Variants in DOCK2 observed in about 807,000 individuals in gnomAD.
The protein encoded by DOCK2 is dedicator of cytokinesis protein 2.
Under a neutral mutation model 248.9 loss-of-function variants are expected in DOCK2, and 87 were observed. The ratio of observed to expected loss-of-function variants is 0.35; its 90% CI spans 0.29 to 0.42. DOCK2 has a LOEUF of 0.42. DOCK2 is among the 10% of genes least tolerant of loss of function. DOCK2 has a pLI of 1.00. For missense variants in DOCK2, 1,747 were observed against 2,300.2 expected, an observed-to-expected ratio of 0.76 and a Z score of 4.92; for synonymous variants, 805 against 821.6, an observed-to-expected ratio of 0.98 and a Z score of 0.35.
chr5:169,930,747 G>T (rs371214865), intron 27 of DOCK2, among the ~76,000 whole-genome samples: 1 of 152,156 alleles, frequency 6.6e-6, no homozygotes, highest in Non-Finnish European at 1.5e-5. Context: ...TTTGAGAGTC[G>T]GGTGGAAGGC....
intron 22 of DOCK2, among the ~76,000 whole-genome samples, chr5:169,739,957 A>G (rs1430063636): frequency 6.6e-6 from 1 of 152,240 alleles, no homozygotes; most frequent in Non-Finnish European, 1.5e-5. Flanking sequence ...CCTTAGGAAT[A>G]TTGTTTTGGA....
chr5:169,674,244 G>A, intron 5 of DOCK2, 53 bp from the exon 6 acceptor site: 2 of 1,593,042 alleles, frequency 1.3e-6, no homozygotes, highest in Non-Finnish European at 8.6e-7. Flanking sequence ...CTGCCAAATA[G>A]ATGGTCATGC....
At chr5:169,660,152 TCATAC>T (rs1182556574) in intron 2 of DOCK2, among the ~76,000 whole-genome samples, 1 of 152,170 alleles carries the variant, frequency 6.6e-6, no homozygotes, top group African/African-American at 2.4e-5. Flanking sequence ...TGGAATGCAC[TCATAC>T]TGTGTTTGGA....
chr5:169,646,707 G>A lies in DOCK2; in HGVS notation c.44-7696G>A, dbSNP rs142018926. Among the ~76,000 whole-genome samples, 272 of 152,310 alleles carry A rather than the reference G, an allele frequency of 1.8e-3. 5 individuals carry two copies. The highest frequency in any genetic ancestry group is 1.7e-3 in the Non-Finnish European group (116 of 68,020). Reference sequence around the variant, plus strand: ...CTTCTTCCCATTAAAATATGCACATGTGCAGTTCTGCATTGTAATGTCGCC... The same window carrying A: ...CTTCTTCCCATTAAAATATGCACATATGCAGTTCTGCATTGTAATGTCGCC... On this transcript the variant is annotated intron_variant, in intron 1 of 51. Coordinates refer to ENST00000520908, the MANE Select transcript of DOCK2 (RefSeq NM_004946.3).
At chr5:169,850,573 A>G (rs1770570055) in intron 27 of DOCK2, among the ~76,000 whole-genome samples, 1 of 152,162 alleles carries the variant, frequency 6.6e-6, no homozygotes, top group African/African-American at 2.4e-5. Flanking sequence ...AAGAGACTTG[A>G]AATGACAGTT....
intron 46 of DOCK2, among the ~76,000 whole-genome samples, chr5:170,070,559 A>T (rs1757647069): frequency 6.6e-6 from 1 of 152,170 alleles, no homozygotes; most frequent in Non-Finnish European, 1.5e-5. Context: ...TGGGGTCGTC[A>T]TGCCCTTTAT....
intron 27 of DOCK2, among the ~76,000 whole-genome samples, chr5:169,841,174 G>A (rs569971104): frequency 6.6e-6 from 1 of 152,296 alleles, no homozygotes; most frequent in South Asian, 2.1e-4. Context: ...CCAGATGCAT[G>A]TCCACTAGGA....
chr5:169,889,366 T>G (rs973593021), intron 27 of DOCK2, among the ~76,000 whole-genome samples: 1 of 152,196 alleles, frequency 6.6e-6, no homozygotes, highest in East Asian at 1.9e-4. Flanking sequence ...GATTCTGTTG[T>G]GAGGTGGGCA....
chr5:170,034,881 TC>T (rs1756269380), intron 35 of DOCK2, among the ~76,000 whole-genome samples: 2 of 152,286 alleles, frequency 1.3e-5, no homozygotes, highest in African/African-American at 4.8e-5. Context: ...TGGGTTTCCA[TC>T]CTATATCTGA....
At chr5:169,772,397 A>G (rs1765138157) in intron 25 of DOCK2, among the ~76,000 whole-genome samples, 1 of 152,138 alleles carries the variant, frequency 6.6e-6, no homozygotes, top group East Asian at 1.9e-4. Flanking sequence ...TTCTTTTTGT[A>G]TTTGATAATA....
intron 25 of DOCK2, among the ~76,000 whole-genome samples, chr5:169,787,106 G>A (rs866117454): frequency 6.6e-6 from 1 of 152,148 alleles, no homozygotes; most frequent in African/African-American, 2.4e-5. Context: ...ATACAGAGAG[G>A]TTAAGTGATT....
chr5:169,806,311 T>TTAAG (rs1484556626), intron 26 of DOCK2, among the ~76,000 whole-genome samples: 56 of 26,332 alleles, frequency 2.1e-3, no homozygotes, highest in African/African-American at 5.3e-3. Context: ...GGTTAATTAG[T>TTAAG]TAATTAATTA....
chr5:169,681,352 G>A (rs1225522524), intron 6 of DOCK2, among the ~76,000 whole-genome samples: 1 of 151,336 alleles, frequency 6.6e-6, no homozygotes, highest in East Asian at 1.9e-4. Context: ...TTGAACTCCT[G>A]ACCTCAGGTG....
intron 22 of DOCK2, among the ~76,000 whole-genome samples, chr5:169,746,078 T>C (rs13355359): frequency 0.032 from 4,815 of 152,176 alleles, 276 homozygotes; most frequent in African/African-American, 0.11. Flanking sequence ...ACTTCACTTA[T>C]GCTTCTGACT....
At chr5:169,862,788 G>A (rs180967482) in intron 27 of DOCK2, among the ~76,000 whole-genome samples, 7 of 152,160 alleles carry the variant, frequency 4.6e-5, no homozygotes, top group African/African-American at 9.6e-5. Context: ...TGAAACCATC[G>A]GAGTGGTTTG....
chr5:170,046,769 T>TACACACACAC (rs58071736), intron 39 of DOCK2, among the ~76,000 whole-genome samples: 93 of 148,830 alleles, frequency 6.2e-4, no homozygotes, highest in Middle Eastern at 3.5e-3. Flanking sequence ...CACACACACA[T>TACACACACAC]ACACACACAC....
intron 22 of DOCK2, among the ~76,000 whole-genome samples, chr5:169,731,909 C>G (rs769040114): frequency 6.6e-6 from 1 of 151,994 alleles, no homozygotes; most frequent in Non-Finnish European, 1.5e-5. Context: ...CACCTGAGCT[C>G]AGGAGTTTGA....
chr5:169,647,391 G>A (rs951909821), intron 1 of DOCK2, among the ~76,000 whole-genome samples: 5 of 152,100 alleles, frequency 3.3e-5, no homozygotes, highest in African/African-American at 1.2e-4. Flanking sequence ...GATGGGTAAA[G>A]GGTAAGAGTT....
chr5:169,786,151 A>T (rs1680567), intron 25 of DOCK2, among the ~76,000 whole-genome samples: 21,984 of 152,266 alleles, frequency 0.14, 1,766 homozygotes, highest in Non-Finnish European at 0.18. Context: ...ATTAAAGTTA[A>T]TTCAGACCTA....
Sources: gnomAD v4.1 joint callset for allele counts (sites outside exome capture counted in the v4.1 genomes callset) on GRCh38, gnomAD v4.1.1 for gene constraint, MANE v1.5 for transcripts, NCBI Gene and HGNC (gene_info 2026-07-23, HGNC 2026-07-21) for gene names.